The following EPM2A variants were observed in gnomAD, a reference collection of about 807,000 sequenced individuals.
EPM2A encodes laforin.
EPM2A carries 21 observed loss-of-function variants against 26.5 expected under a neutral mutation model. The ratio of observed to expected loss-of-function variants is 0.79; its 90% CI spans 0.56 to 1.14. The LOEUF is 1.14. Among genes scored for constraint, EPM2A ranks in the 50% most tolerant of loss-of-function variants. EPM2A has a pLI of 0.00. For missense variants in EPM2A, 458 were observed against 440.8 expected, an observed-to-expected ratio of 1.04 and a Z score of -0.35; for synonymous variants, 217 against 177.6, an observed-to-expected ratio of 1.22 and a Z score of -1.76.
downstream of EPM2A, among the ~76,000 whole-genome samples, chr6:145,499,986 T>G (rs1292372977): frequency 2.7e-5 from 4 of 150,680 alleles, no homozygotes; most frequent in Admixed American, 2.0e-4. Flanking sequence ...ATAAAAATGT[T>G]TCTTCGTAAC....
chr6:145,453,915 A>G (rs919387434), intron 4 of EPM2A, among the ~76,000 whole-genome samples: 4 of 152,188 alleles, frequency 2.6e-5, no homozygotes, highest in African/African-American at 4.8e-5. Context: ...GTTTTCTTTA[A>G]CAAATGTATT....
In EPM2A at chr6:145,702,962, C is replaced by T. The variant is rs528577695; in HGVS notation, c.302-16666G>A. Among the ~76,000 whole-genome samples the T allele has an allele frequency of 1.5e-3, 229 of 152,232 alleles. 1 individual carries two copies. The highest frequency in any genetic ancestry group is 5.3e-3 in the African/African-American group (219 of 41,542). ...AACTTAATGCAAATGTAAGAGTTAA[C>T]TTTTATTAATCTCTTCTTATTGGTT... On this transcript the variant is annotated intron_variant, in intron 1 of 3. Coordinates refer to ENST00000367519, the MANE Select transcript of EPM2A (RefSeq NM_005670.4).
intron 4 of EPM2A, among the ~76,000 whole-genome samples, chr6:145,481,767 T>C (rs1189376954): frequency 6.6e-6 from 1 of 152,202 alleles, no homozygotes; most frequent in Admixed American, 6.6e-5. Context: ...AAATGATAAC[T>C]AATACATACT....
chr6:145,602,008 C>A (rs1329347029), intron 2 of EPM2A, among the ~76,000 whole-genome samples: 2 of 152,046 alleles, frequency 1.3e-5, no homozygotes, highest in African/African-American at 2.4e-5. Context: ...AATTAAATGA[C>A]TTCTTGTCAT....
At chr6:145,541,296 A>G (rs1162534550) in intron 2 of EPM2A, among the ~76,000 whole-genome samples, 1 of 148,698 alleles carries the variant, frequency 6.7e-6, no homozygotes, top group Admixed American at 6.7e-5. Context: ...AAAAACACCA[A>G]TTTGTGTGTG....
At chr6:145,684,406 T>C (rs745746510) in intron 2 of EPM2A, among the ~76,000 whole-genome samples, 1 of 152,138 alleles carries the variant, frequency 6.6e-6, no homozygotes, top group African/African-American at 2.4e-5. Context: ...TTCAGGATCA[T>C]TTAAAAGAAC....
chr6:145,468,966 A>T lies in EPM2A; in HGVS notation c.555+33556T>A, dbSNP rs186988052. ...AAAAATAAACTAATAATCTGATTTT[A>T]AAATGGGCAAAAGATCTTAATAGAC... On this transcript the variant is annotated intron_variant, in intron 4 of 4. Coordinates refer to the EPM2A transcript ENST00000638717. Among the ~76,000 whole-genome samples the T allele has an allele frequency of 5.0e-3, 760 of 152,294 alleles. 3 individuals carry two copies. The highest frequency in any genetic ancestry group is 0.018 in the African/African-American group (738 of 41,574).
chr6:145,540,079 C>T (rs1463415217), intron 2 of EPM2A, among the ~76,000 whole-genome samples: 2 of 152,138 alleles, frequency 1.3e-5, no homozygotes, highest in Non-Finnish European at 2.9e-5. Flanking sequence ...CCTAAAGTGA[C>T]CCCCGCCGTG....
chr6:145,389,116 T>C (rs1463344687), intron 4 of EPM2A, among the ~76,000 whole-genome samples: 2 of 152,156 alleles, frequency 1.3e-5, no homozygotes, highest in African/African-American at 2.4e-5. Flanking sequence ...AGTTTCTCAA[T>C]TGGGCCTACC....
rs1275613136 is a variant in EPM2A at position 145,426,194 on chromosome 6, G to A, written c.556-42097C>T. Among the ~76,000 whole-genome samples, 10 of 152,148 alleles carry A rather than the reference G, an allele frequency of 6.6e-5. No homozygotes were observed. In the East Asian group the frequency reaches 1.7e-3, roughly 26 times the overall value. The stretch of plus-strand genomic sequence containing the variant: ...CACTATTGGCTGATGTTCACAGCAG[G>A]CCAGGATAGGGACCCATCACTTTTT... On this transcript the variant is annotated intron_variant, in intron 4 of 4. Coordinates refer to the EPM2A transcript ENST00000638717.
intron 4 of EPM2A, among the ~76,000 whole-genome samples, chr6:145,462,555 G>A (rs930533717): frequency 2.6e-5 from 4 of 152,094 alleles, no homozygotes; most frequent in Non-Finnish European, 5.9e-5. Flanking sequence ...TAAAAGCAAT[G>A]AATCTTGCTC....
At chr6:145,554,451 GATA>G in intron 2 of EPM2A, among the ~76,000 whole-genome samples, 1 of 151,336 alleles carries the variant, frequency 6.6e-6, no homozygotes, top group Non-Finnish European at 1.5e-5. Flanking sequence ...TAGATAGATA[GATA>G]GATAGATAGA....
At chr6:145,699,158 G>T (rs981169600) in intron 1 of EPM2A, among the ~76,000 whole-genome samples, 1 of 152,012 alleles carries the variant, frequency 6.6e-6, no homozygotes, top group Non-Finnish European at 1.5e-5. Context: ...GCTAGGAAGG[G>T]GTAATAAATG....
At chr6:145,551,571 G>A (rs1318632339) in intron 2 of EPM2A, among the ~76,000 whole-genome samples, 1 of 152,028 alleles carries the variant, frequency 6.6e-6, no homozygotes, top group African/African-American at 2.4e-5. Context: ...GCCTTCAAAT[G>A]GGTTTTGCCC....
In EPM2A at chr6:145,627,004, A is replaced by T. The variant is rs189234320; in HGVS notation, c.*412T>A. 4.1e-4 allele frequency: 458 copies of T among 1,104,288 alleles called. 3 individuals carry two copies. In the African/African-American group the frequency reaches 6.3e-3, roughly 15 times the overall value. The allele number at this position is 1,104,288 out of a possible 1,614,324, so 68.4% of individuals were successfully genotyped here. A position where few individuals can be genotyped will look rare whatever the true frequency, so the allele number is the denominator to read the frequency against. On this transcript the variant is annotated 3_prime_UTR_variant, in exon 4 of 4. Coordinates refer to ENST00000367519, the MANE Select transcript of EPM2A (RefSeq NM_005670.4). ...ACTGACCAGCTCACGCACACATACTAGTGATGAAATCCACATAACTCCATA... is the reference window on the plus strand; with the variant it reads ...ACTGACCAGCTCACGCACACATACTTGTGATGAAATCCACATAACTCCATA...
At chr6:145,488,369 C>T (rs1054964980) in intron 4 of EPM2A, among the ~76,000 whole-genome samples, 4 of 151,802 alleles carry the variant, frequency 2.6e-5, no homozygotes, top group African/African-American at 7.3e-5. Context: ...AATGGTAGTT[C>T]GATAGGAATA....
chr6:145,569,063 A>G (rs1464263894), intron 2 of EPM2A, among the ~76,000 whole-genome samples: 1 of 152,230 alleles, frequency 6.6e-6, no homozygotes, highest in African/African-American at 2.4e-5. Flanking sequence ...AATGCTGTTC[A>G]GGAAAATTCA....
At chr6:145,613,656 CA>C (rs1775442200) in intron 2 of EPM2A, among the ~76,000 whole-genome samples, 1 of 152,128 alleles carries the variant, frequency 6.6e-6, no homozygotes, top group African/African-American at 2.4e-5. Flanking sequence ...TCTCCCTAGA[CA>C]TATTTATCAA....
chr6:145,446,374 G>T (rs1779129061), intron 4 of EPM2A, among the ~76,000 whole-genome samples: 1 of 152,180 alleles, frequency 6.6e-6, no homozygotes, highest in African/African-American at 2.4e-5. Flanking sequence ...ATGATAACTA[G>T]ATCATCAGTG....
Sources: allele counts gnomAD v4.1 joint callset (sites outside exome capture counted in the v4.1 genomes callset), GRCh38; gene constraint gnomAD v4.1.1; transcripts MANE v1.5; gene names NCBI Gene and HGNC (gene_info 2026-07-23, HGNC 2026-07-21).